The following MAST4 variants were observed in gnomAD, a reference collection of about 807,000 sequenced individuals.
MAST4 encodes the protein microtubule-associated serine/threonine-protein kinase 4.
MAST4 carries 89 observed loss-of-function variants against 162.7 expected under a neutral mutation model. The ratio of observed to expected loss-of-function variants is 0.55; its 90% CI spans 0.46 to 0.65. MAST4 has a LOEUF of 0.65. MAST4 is among the 30% of genes least tolerant of loss of function. The pLI is 0.00. For missense variants in MAST4, 3,153 were observed against 3,374.0 expected, an observed-to-expected ratio of 0.93 and a Z score of 1.62; for synonymous variants, 1,479 against 1,361.1, an observed-to-expected ratio of 1.09 and a Z score of -1.91.
intron 5 of MAST4, among the ~76,000 whole-genome samples, chr5:67,088,803 T>A (rs1250019195): frequency 1.3e-5 from 2 of 152,230 alleles, no homozygotes; most frequent in Non-Finnish European, 2.9e-5. Context: ...CCCAGTTAAA[T>A]GGCTGTGATT....
chr5:66,928,239 A>G (rs773129057), intron 4 of MAST4, among the ~76,000 whole-genome samples: 3 of 152,224 alleles, frequency 2.0e-5, no homozygotes, highest in Admixed American at 2.0e-4. Context: ...TCTATCTGCC[A>G]GTAGACATGG....
chr5:66,606,564 G>T (rs1742896830), intron 1 of MAST4, among the ~76,000 whole-genome samples: 1 of 152,184 alleles, frequency 6.6e-6, no homozygotes, highest in Non-Finnish European at 1.5e-5. Flanking sequence ...GGTTTGTGCT[G>T]CATTATCTTT....
intron 26 of MAST4, among the ~76,000 whole-genome samples, chr5:67,154,805 G>C (rs768005746): frequency 7.2e-5 from 11 of 152,188 alleles, no homozygotes; most frequent in Non-Finnish European, 1.5e-5. Context: ...GAAACCAAGA[G>C]GATACAAGGG....
intron 1 of MAST4, among the ~76,000 whole-genome samples, chr5:66,665,831 G>A (rs115045750): frequency 2.6e-5 from 4 of 152,172 alleles, no homozygotes; most frequent in African/African-American, 9.7e-5. Flanking sequence ...TGGGGTTATT[G>A]TGAGTATTGA....
At position 67,166,098 on chromosome 5, in the gene MAST4, C is replaced by T. The variant is rs1331561829; in HGVS notation, c.6919C>T (p.Pro2307Ser). The T allele has an allele frequency of 5.0e-6, 8 of 1,612,036 alleles. No homozygotes were observed. The highest frequency in any genetic ancestry group is 6.8e-6 in the Non-Finnish European group (8 of 1,179,078). The change falls in exon 29 of 29, where the codon CCG (proline) becomes TCG (serine). Residue 2307 changes from proline (P) to serine (S), a missense_variant. Coordinates refer to ENST00000403625, the MANE Select transcript of MAST4 (RefSeq NM_001164664.2). Reference sequence around the variant, plus strand: ...GGAGAAGCCTGTGCATTTGCCAAGGCCGGGACACCCAGGGCCTAGTGAGCC... The same window carrying T: ...GGAGAAGCCTGTGCATTTGCCAAGGTCGGGACACCCAGGGCCTAGTGAGCC... ...VLEKPVHLPR[P>S]GHPGPSEPAD...
chr5:66,884,824 G>A (rs892093198), intron 3 of MAST4, among the ~76,000 whole-genome samples: 1 of 152,162 alleles, frequency 6.6e-6, no homozygotes, highest in African/African-American at 2.4e-5. Flanking sequence ...CTTGGCCGCC[G>A]GCAGAGTTGT....
chr5:67,162,891 G>A (rs1235208758), intron 28 of MAST4, 103 bp downstream of exon 28: 2 of 1,265,692 alleles, frequency 1.6e-6, no homozygotes, highest in Non-Finnish European at 2.2e-6. Context: ...AAAGCAGGTT[G>A]AAGGTGTAAA....
intron 13 of MAST4, among the ~76,000 whole-genome samples, chr5:67,120,240 C>T (rs1164774670): frequency 6.6e-6 from 1 of 152,060 alleles, no homozygotes; most frequent in Non-Finnish European, 1.5e-5. Context: ...GGTGGGTAGC[C>T]AAGTTTTTCA....
At chr5:66,892,024 G>A (rs532493401) in intron 3 of MAST4, among the ~76,000 whole-genome samples, 1 of 152,106 alleles carries the variant, frequency 6.6e-6, no homozygotes, top group Non-Finnish European at 1.5e-5. Context: ...CTTCTTTCTC[G>A]TTAGCTCTCT....
chr5:67,049,084 AC>A (rs1757857116), intron 4 of MAST4, among the ~76,000 whole-genome samples: 1 of 98,946 alleles, frequency 1.0e-5, no homozygotes, highest in Non-Finnish European at 2.1e-5. Flanking sequence ...TATATACACT[AC>A]CATACCAAGA....
rs556120277 is a variant in MAST4, at chr5:67,039,450, C to G, written c.675-14954C>G. Among the ~76,000 whole-genome samples, 4 of 152,232 alleles carry G rather than the reference C, an allele frequency of 2.6e-5. No homozygotes were observed. The South Asian group carries it at 8.3e-4, about 32-fold the overall frequency. On this transcript the variant is annotated intron_variant, in intron 4 of 28. Transcript: ENST00000403625. ...TGAACAGGAACTCTCTGAGTCACTGCAGGGAATGCAGAATGAGTTTAGGTT... is the reference window on the plus strand; with the variant it reads ...TGAACAGGAACTCTCTGAGTCACTGGAGGGAATGCAGAATGAGTTTAGGTT...
At chr5:67,023,999 C>T (rs1366166857) in intron 4 of MAST4, among the ~76,000 whole-genome samples, 1 of 151,836 alleles carries the variant, frequency 6.6e-6, no homozygotes, top group African/African-American at 2.4e-5. Flanking sequence ...CAGTGCTGTG[C>T]AGCCACAGAA....
intron 4 of MAST4, among the ~76,000 whole-genome samples, chr5:66,952,255 A>G (rs1744796372): frequency 6.6e-6 from 1 of 152,134 alleles, no homozygotes; most frequent in South Asian, 2.1e-4. Context: ...TTTTCTCATA[A>G]TGCCTCTGTA....
intron 4 of MAST4, among the ~76,000 whole-genome samples, chr5:67,031,361 T>C (rs557596149): frequency 6.6e-6 from 1 of 152,144 alleles, no homozygotes; most frequent in Non-Finnish European, 1.5e-5. Flanking sequence ...TAAGGACATA[T>C]TTTAAGTTCT....
intron 3 of MAST4, among the ~76,000 whole-genome samples, chr5:66,849,451 C>A (rs936976766): frequency 6.6e-6 from 1 of 152,186 alleles, no homozygotes; most frequent in Non-Finnish European, 1.5e-5. Context: ...TTACCCTACT[C>A]CTCTTCTGCT....
chr5:67,161,932 C>T (rs1055041291), intron 27 of MAST4, among the ~76,000 whole-genome samples: 3 of 152,118 alleles, frequency 2.0e-5, no homozygotes, highest in Non-Finnish European at 4.4e-5. Flanking sequence ...TTGCACAGCC[C>T]GATGCCCTGC....
chr5:67,005,163 C>T, intron 4 of MAST4: 1 of 715,876 alleles, frequency 1.4e-6, no homozygotes, highest in Non-Finnish European at 2.6e-6. Context: ...TGCCTGAGCC[C>T]CTCAGGAGCT....
intron 4 of MAST4, among the ~76,000 whole-genome samples, chr5:66,965,225 CT>C (rs1187971815): frequency 0.072 from 6,062 of 84,782 alleles, 48 homozygotes; most frequent in Non-Finnish European, 0.094. Flanking sequence ...TTTTTTTTTG[CT>C]TTTTTTTTTT....
At chr5:66,851,266 C>T (rs934505993) in intron 3 of MAST4, among the ~76,000 whole-genome samples, 3 of 152,164 alleles carry the variant, frequency 2.0e-5, no homozygotes, top group Admixed American at 1.3e-4. Context: ...TTCTGTCTGT[C>T]TGTCTTTGTA....
Sources: allele counts gnomAD v4.1 joint callset (sites outside exome capture counted in the v4.1 genomes callset), GRCh38; gene constraint gnomAD v4.1.1; transcripts MANE v1.5; gene names NCBI Gene and HGNC (gene_info 2026-07-23, HGNC 2026-07-21).